SWT1: variants seen among roughly 807,000 people sequenced by gnomAD.
SWT1 encodes transcriptional protein SWT1.
A neutral mutation model predicts 107.3 loss-of-function variants in SWT1; 33 were observed. The observed-to-expected ratio is 0.31, with a 90% CI of 0.23 to 0.41. SWT1 has a LOEUF of 0.41. SWT1 is among the 10% of genes least tolerant of loss of function. The pLI is 1.00. For synonymous variants in SWT1, 345 were observed against 348.3 expected, an observed-to-expected ratio of 0.99 and a Z score of 0.11; for missense variants, 898 against 1,028.9, an observed-to-expected ratio of 0.87 and a Z score of 1.74.
intron 16 of SWT1, chr1:185,251,303 A>G (rs1031919830): frequency 2.0e-5 from 3 of 152,658 alleles, no homozygotes; most frequent in Admixed American, 6.5e-5. Context: ...CATTAGATCA[A>G]ATTTGTTCAG....
intron 16 of SWT1, chr1:185,262,185 G>A (rs1211645800): frequency 1.3e-5 from 2 of 152,206 alleles, no homozygotes; most frequent in African/African-American, 2.4e-5. Context: ...TAGGTATTGT[G>A]TAGATTTAGC....
At chr1:185,227,054 A>G (rs1443790455) in intron 15 of SWT1, 3 of 968,258 alleles carry the variant, frequency 3.1e-6, no homozygotes, top group Non-Finnish European at 5.0e-6. Flanking sequence ...AAGCATCTTT[A>G]TCTTCTTCCA....
At chr1:185,170,734 C>T (rs1389562682) in intron 4 of SWT1, among the ~76,000 whole-genome samples, 3 of 152,182 alleles carry the variant, frequency 2.0e-5, no homozygotes, top group African/African-American at 7.2e-5. Context: ...GTTGTCCAGA[C>T]CTTTTATGGT....
intron 4 of SWT1, among the ~76,000 whole-genome samples, chr1:185,172,723 G>A (rs1655178755): frequency 6.6e-6 from 1 of 152,084 alleles, no homozygotes; most frequent in Non-Finnish European, 1.5e-5. Context: ...AGTATTTGAT[G>A]TTATTGTAAA....
At chr1:185,273,679 G>C (rs998166589) in intron 17 of SWT1, among the ~76,000 whole-genome samples, 3 of 152,260 alleles carry the variant, frequency 2.0e-5, no homozygotes, top group African/African-American at 7.2e-5. Context: ...CTCCAGCCCA[G>C]GCGACAGTGT....
At chr1:185,162,927 A>G (rs1412687506) in intron 2 of SWT1, among the ~76,000 whole-genome samples, 1 of 151,944 alleles carries the variant, frequency 6.6e-6, no homozygotes, top group Non-Finnish European at 1.5e-5. Flanking sequence ...GCCACTGCAC[A>G]TCAGCCTGAG....
intron 7 of SWT1, among the ~76,000 whole-genome samples, chr1:185,182,622 G>GCCA (rs1656108941): frequency 1.5e-5 from 2 of 136,176 alleles, no homozygotes. Flanking sequence ...CCAAGATTGT[G>GCCA]CCACTGCATT....
intron 18 of SWT1, chr1:185,281,612 G>T: frequency 9.9e-6 from 2 of 202,020 alleles, no homozygotes; most frequent in South Asian, 1.7e-4. Flanking sequence ...CCTGAAGACC[G>T]ACCACCAAAT....
chr1:185,158,080 G>A (rs1437327471), intron 1 of SWT1, among the ~76,000 whole-genome samples: 2 of 152,158 alleles, frequency 1.3e-5, no homozygotes, highest in African/African-American at 4.8e-5. Flanking sequence ...TTAGTCTCAA[G>A]AACAAGACGC....
At chr1:185,282,850 T>G (rs1409308828) in intron 18 of SWT1, among the ~76,000 whole-genome samples, 1 of 152,056 alleles carries the variant, frequency 6.6e-6, no homozygotes, top group African/African-American at 2.4e-5. Context: ...GAGTGGAGTA[T>G]ATGAGAGTAT....
chr1:185,252,144 G>A (rs568483078), intron 16 of SWT1, among the ~76,000 whole-genome samples: 97 of 152,306 alleles, frequency 6.4e-4, no homozygotes, highest in African/African-American at 2.2e-3. Context: ...GTATTCCATG[G>A]TGTATATGTG....
At chr1:185,172,711 C>A (rs369491483) in intron 4 of SWT1, among the ~76,000 whole-genome samples, 3 of 151,966 alleles carry the variant, frequency 2.0e-5, no homozygotes, top group Admixed American at 2.0e-4. Context: ...CAACCCCTTG[C>A]GAGTATTTGA....
At chr1:185,236,218 A>T (rs1020450907) in intron 16 of SWT1, among the ~76,000 whole-genome samples, 1 of 152,174 alleles carries the variant, frequency 6.6e-6, no homozygotes, top group Non-Finnish European at 1.5e-5. Flanking sequence ...ATATGGAACC[A>T]AAAAAGAGCC....
chr1:185,261,653 C>G (rs975750554), intron 16 of SWT1, among the ~76,000 whole-genome samples: 1 of 147,604 alleles, frequency 6.8e-6, no homozygotes, highest in African/African-American at 2.6e-5. Flanking sequence ...CACATCCTCA[C>G]CAATGCCTGT....
intron 12 of SWT1, 152 bp from the exon 13 acceptor site, chr1:185,206,473 A>C (rs1571501658): frequency 2.2e-6 from 1 of 455,098 alleles, no homozygotes; most frequent in South Asian, 6.1e-5. Context: ...TTAGCATTTT[A>C]ATGTTATGAT....
intron 5 of SWT1, among the ~76,000 whole-genome samples, chr1:185,179,215 C>T (rs887017515): frequency 6.6e-6 from 1 of 151,952 alleles, no homozygotes; most frequent in Non-Finnish European, 1.5e-5. Context: ...GTTGTAGTGA[C>T]CTGAGATCAT....
intron 18 of SWT1, among the ~76,000 whole-genome samples, chr1:185,278,849 C>T (rs1178100038): frequency 6.6e-6 from 1 of 152,224 alleles, no homozygotes; most frequent in African/African-American, 2.4e-5. Context: ...CTATATATAA[C>T]TTACCTGTGT....
chr1:185,187,355 TA>T lies in SWT1; in HGVS notation c.1429+2427del, dbSNP rs542292163. On this transcript the variant is annotated intron_variant, in intron 9 of 18. Coordinates refer to ENST00000367500, the MANE Select transcript of SWT1 (RefSeq NM_017673.7). The stretch of plus-strand genomic sequence containing the variant: ...GGTGTGAGCCACGGTGCCTGGCTAA[TA>T]AAGTTATATATTTTTTATAATAAGG... 3.0e-3 allele frequency among the ~76,000 whole-genome samples: 461 copies of T among 152,138 alleles called. 4 individuals carry two copies. The highest frequency in any genetic ancestry group is 0.011 in the African/African-American group (437 of 41,522).
In SWT1 at chr1:185,160,865, G is replaced by GA. The variant is rs1314961505; in HGVS notation, c.30dup (p.Glu11ArgfsTer17). On this transcript the variant is annotated frameshift_variant, in exon 2 of 19. Transcript: ENST00000367500. LOFTEE classifies it high-confidence loss of function. Reference sequence around the variant, plus strand: ...GGATGTCCAGCAAAGAATCCTGTGGGAAAAAAGAGACATCTCAGAGGAAAG... The same window carrying GA: ...GGATGTCCAGCAAAGAATCCTGTGGGAAAAAAAGAGACATCTCAGAGGAAAG... The GA allele has an allele frequency of 1.2e-6, 2 of 1,612,584 alleles. No homozygotes were observed. The highest frequency in any genetic ancestry group is 1.7e-6 in the Non-Finnish European group (2 of 1,179,462).
Sources: gnomAD v4.1 joint callset for allele counts (sites outside exome capture counted in the v4.1 genomes callset) on GRCh38, gnomAD v4.1.1 for gene constraint, MANE v1.5 for transcripts, NCBI Gene and HGNC (gene_info 2026-07-23, HGNC 2026-07-21) for gene names.